The following VPS13D variants were observed in gnomAD, a reference collection of about 807,000 sequenced individuals.
VPS13D encodes the protein intermembrane lipid transfer protein VPS13D.
In VPS13D, 187 loss-of-function variants were observed where a neutral mutation model predicts 461.9. The ratio of observed to expected loss-of-function variants is 0.40; its 90% confidence interval spans 0.36 to 0.46. VPS13D has a LOEUF of 0.46. Among genes scored for constraint, VPS13D ranks in the 20% least tolerant of loss-of-function variants. The pLI is 0.60. For missense variants in VPS13D, 4,711 were observed against 5,364.9 expected (o/e 0.88, Z 3.81); for synonymous variants, 1,951 against 1,986.3 (o/e 0.98, Z 0.47).
intron 2 of VPS13D, among the ~76,000 whole-genome samples, chr1:12,236,327 T>C (rs1640146248): frequency 6.6e-6 from 1 of 152,122 alleles, no homozygotes; most frequent in Non-Finnish European, 1.5e-5. Flanking sequence ...TGTTCGTCTC[T>C]GACACAGTTA....
At chr1:12,490,788 C>T (rs1438535078) in intron 67 of VPS13D, among the ~76,000 whole-genome samples, 1 of 151,526 alleles carries the variant, frequency 6.6e-6, no homozygotes, top group Non-Finnish European at 1.5e-5. Flanking sequence ...AGATGCAGCC[C>T]ACGGCATGGT....
rs1388654236 is a variant in VPS13D, at chr1:12,482,794, A to ATG, written c.12663-14705_12663-14704insGT. Among the ~76,000 whole-genome samples the ATG allele has an allele frequency of 1.2e-4, 18 of 150,546 alleles. No homozygotes were observed. In the South Asian group the frequency reaches 1.3e-3, roughly 10 times the overall value. On this transcript the variant is annotated intron_variant, in intron 67 of 69. Transcript: ENST00000620676. ...ATATATGTATACATAGTATACATAT[A>ATG]TATATACTAGTATATATATATGATT... is the stretch of plus-strand genomic sequence containing the variant.
At chr1:12,333,743 T>C (rs1184467785) in intron 38 of VPS13D, among the ~76,000 whole-genome samples, 5 of 152,238 alleles carry the variant, frequency 3.3e-5, no homozygotes, top group African/African-American at 1.2e-4. Flanking sequence ...GACCATATCT[T>C]TATAGTAGAA....
At chr1:12,447,572 G>C (rs1053542842) in intron 65 of VPS13D, among the ~76,000 whole-genome samples, 1 of 152,116 alleles carries the variant, frequency 6.6e-6, no homozygotes, top group Non-Finnish European at 1.5e-5. Context: ...TTTATTTAAA[G>C]AAATAGTTGG....
intron 67 of VPS13D, among the ~76,000 whole-genome samples, chr1:12,486,960 GTTTC>G (rs1645805646): frequency 6.6e-6 from 1 of 151,974 alleles, no homozygotes; most frequent in African/African-American, 2.4e-5. Flanking sequence ...CAACACCTAC[GTTTC>G]CAGGCCATGG....
rs1646048845 is a variant in VPS13D, at chr1:12,502,516, T to C, written c.12795-4337T>C. On this transcript the variant is annotated intron_variant, in intron 68 of 69. Coordinates refer to ENST00000620676, the MANE Select transcript of VPS13D (RefSeq NM_015378.4). The surrounding 1 kb of genome is among the most constrained non-coding windows in gnomAD (Gnocchi z 4.3). ...GGGCCCAGACATGGAGTCAGGGCCA[T>C]AGGTGGACCTGGGGTGGGTAACGCC... is the stretch of plus-strand genomic sequence containing the variant. Among the ~76,000 whole-genome samples the C allele has an allele frequency of 1.3e-5, 2 of 151,960 alleles. No individual in the cohort carries two copies. Among genetic ancestry groups the C allele is most frequent in the Admixed American group, 1.3e-4 (2 of 15,252 alleles).
chr1:12,249,183 T>C, intron 5 of VPS13D, 40 bp from the exon 6 acceptor site: 1 of 1,462,448 alleles, frequency 6.8e-7, no homozygotes, highest in Non-Finnish European at 9.5e-7. Context: ...AACACTATTC[T>C]GCAGGTGCAT....
At position 12,415,214 on chromosome 1, in the gene VPS13D, T is replaced by G; in HGVS notation, c.12158T>G (p.Phe4053Cys). 12 of 1,614,132 alleles carry G rather than the reference T, an allele frequency of 7.4e-6. No homozygotes were observed. The highest frequency in any genetic ancestry group is 9.3e-6 in the Non-Finnish European group (11 of 1,180,000). Residue 4053 changes from phenylalanine (F) to cysteine (C), a missense_variant, in exon 64 of 70, where the codon TTC becomes TGC. This residue lies in a region of VPS13D where 106 missense variants were observed against 206.2 expected (regional missense o/e 0.51). Coordinates refer to ENST00000620676, the MANE Select transcript of VPS13D (RefSeq NM_015378.4). ...ATCATCAATGATATCCTCAAACATTTCCAGGAGGTGAGGCTTGGAGAAGTA... is the reference window on the plus strand; with the variant it reads ...ATCATCAATGATATCCTCAAACATTGCCAGGAGGTGAGGCTTGGAGAAGTA... Reference protein sequence around the residue: ...EFIINDILKHFQEELLSQAAR... With the variant: ...EFIINDILKHCQEELLSQAAR...
At chr1:12,471,687 G>A (rs534206036) in intron 67 of VPS13D, among the ~76,000 whole-genome samples, 6 of 151,856 alleles carry the variant, frequency 4.0e-5, no homozygotes, top group African/African-American at 9.7e-5. Context: ...CCATTTTTAC[G>A]TTATTATGAC....
At chr1:12,243,644 T>G (rs963646472) in intron 3 of VPS13D, among the ~76,000 whole-genome samples, 1 of 152,110 alleles carries the variant, frequency 6.6e-6, no homozygotes, top group Non-Finnish European at 1.5e-5. Flanking sequence ...TAAAGAAAGC[T>G]TGTATTCTAG....
chr1:12,415,280 T>C (rs1217478901), intron 64 of VPS13D, 59 bp downstream of exon 64: 9 of 1,607,508 alleles, frequency 5.6e-6, no homozygotes, highest in Non-Finnish European at 7.7e-6. Flanking sequence ...GTTTTAGTTG[T>C]TTGGGAATTT....
intron 35 of VPS13D, among the ~76,000 whole-genome samples, chr1:12,324,371 G>A (rs1395067625): frequency 6.6e-6 from 1 of 152,136 alleles, no homozygotes; most frequent in African/African-American, 2.4e-5. Context: ...CTGGCGTGGT[G>A]GCTCATGCCT....
At position 12,277,757 on chromosome 1, in the gene VPS13D, G is replaced by A. The variant is rs555254469; in HGVS notation, c.4169G>A (p.Arg1390Gln). The A allele has an allele frequency of 3.6e-5, 58 of 1,614,120 alleles. No individual in the cohort carries two copies. In the African/African-American group the frequency reaches 3.6e-4, roughly 10 times the overall value. ...NIESPVVSIPRKPGSPELLVG... is the reference protein window; with the variant it reads ...NIESPVVSIPQKPGSPELLVG... Reference sequence around the variant, plus strand: ...GAATCACCAGTTGTTTCTATCCCTCGGAAGCCGGGGAGTCCTGAGTTGTTG... The same window carrying A: ...GAATCACCAGTTGTTTCTATCCCTCAGAAGCCGGGGAGTCCTGAGTTGTTG... Residue 1390 changes from arginine (R) to glutamine (Q), a missense_variant, in exon 19 of 70, where the codon CGG becomes CAG. By Grantham distance (43) the Arg-to-Gln change is conservative. This residue lies in a region of VPS13D where 4,411 missense variants were observed against 4,937.8 expected (regional missense o/e 0.89). Transcript: ENST00000620676.
At chr1:12,404,605 G>A (rs1471498893) in intron 63 of VPS13D, among the ~76,000 whole-genome samples, 1 of 152,124 alleles carries the variant, frequency 6.6e-6, no homozygotes, top group Non-Finnish European at 1.5e-5. Context: ...CTTCATCAAG[G>A]AAGAAAGCTG....
chr1:12,503,993 G>C (rs568368169), intron 68 of VPS13D, among the ~76,000 whole-genome samples: 1 of 152,226 alleles, frequency 6.6e-6, no homozygotes, highest in East Asian at 1.9e-4. Flanking sequence ...AGGGGAGGGC[G>C]GGGAGCGTGC....
At chr1:12,426,667 A>G (rs967461011) in intron 65 of VPS13D, among the ~76,000 whole-genome samples, 2 of 152,170 alleles carry the variant, frequency 1.3e-5, no homozygotes, top group African/African-American at 4.8e-5. Flanking sequence ...CATTGCTTGA[A>G]TTAAGAAGCC....
At chr1:12,478,142 C>T (rs1041735295) in intron 67 of VPS13D, among the ~76,000 whole-genome samples, 1 of 152,220 alleles carries the variant, frequency 6.6e-6, no homozygotes, top group Non-Finnish European at 1.5e-5. Context: ...CTTGGGCTGT[C>T]CTTTTGCCCT....
intron 21 of VPS13D, among the ~76,000 whole-genome samples, chr1:12,284,071 C>T (rs1307337101): frequency 6.6e-6 from 1 of 152,164 alleles, no homozygotes; most frequent in Non-Finnish European, 1.5e-5. Flanking sequence ...TGGAAGGCAC[C>T]TAGCAAAGTG....
intron 67 of VPS13D, among the ~76,000 whole-genome samples, chr1:12,484,547 G>A (rs1356837910): frequency 2.0e-5 from 3 of 152,212 alleles, no homozygotes; most frequent in Admixed American, 2.0e-4. Flanking sequence ...GTTTGGCTTT[G>A]CCAGGCATAG....
Sources: gnomAD v4.1 joint callset for allele counts (sites outside exome capture counted in the v4.1 genomes callset) on GRCh38, gnomAD v4.1.1 for gene constraint, gnomAD v4.1.1 regional missense constraint, Gnocchi (gnomAD v3.1) non-coding constraint, MANE v1.5 for transcripts, NCBI Gene and HGNC (gene_info 2026-07-23, HGNC 2026-07-21) for gene names.